The following CAPN11 variants were observed in gnomAD, a reference collection of about 807,000 sequenced individuals.
CAPN11 encodes calpain 11, also known as calpain-11.
In CAPN11, 108 loss-of-function variants were observed where a neutral mutation model predicts 105.3. The ratio of observed to expected loss-of-function variants is 1.03; its 90% CI spans 0.88 to 1.20. CAPN11 has a LOEUF of 1.20. Among genes scored for constraint, CAPN11 ranks in the 50% most tolerant of loss-of-function variants. The probability of loss-of-function intolerance (pLI) is 0.00; values close to 1 mark genes in which losing one functional copy is unlikely to be tolerated. For synonymous variants in CAPN11, 329 were observed against 344.5 expected, an observed-to-expected ratio of 0.96 and a Z score of 0.50; for missense variants, 883 against 924.8, an observed-to-expected ratio of 0.95 and a Z score of 0.59.
At chr6:44,178,822 C>G (rs1048231515) in intron 12 of CAPN11, among the ~76,000 whole-genome samples, 4 of 151,172 alleles carry the variant, frequency 2.6e-5, no homozygotes, top group African/African-American at 9.8e-5. Flanking sequence ...ACTCGAGAAG[C>G]TGAGGTGAGA....
chr6:44,173,854 G>T (rs550166427), intron 7 of CAPN11, among the ~76,000 whole-genome samples: 9 of 152,246 alleles, frequency 5.9e-5, no homozygotes, highest in African/African-American at 1.9e-4. Context: ...ATAGTGCTGG[G>T]ATTACAGGCA....
At chr6:44,178,750 T>TAAAAAAAA (rs35225903) in intron 12 of CAPN11, among the ~76,000 whole-genome samples, 2 of 116,066 alleles carry the variant, frequency 1.7e-5, no homozygotes, top group African/African-American at 3.2e-5. Flanking sequence ...CTGTCTCGAT[T>TAAAAAAAA]AAAAAAAAAA....
At chr6:44,167,497 C>CAAAAAAAA (rs61107654) in intron 2 of CAPN11, among the ~76,000 whole-genome samples, 6 of 27,064 alleles carry the variant, frequency 2.2e-4, no homozygotes, top group Non-Finnish European at 3.0e-4. Flanking sequence ...GACTCCATCT[C>CAAAAAAAA]AAAAAAAAAA....
intron 7 of CAPN11, 25 bp downstream of exon 7, chr6:44,173,411 A>C: frequency 1.3e-6 from 2 of 1,508,404 alleles, no homozygotes; most frequent in Non-Finnish European, 9.1e-7. Flanking sequence ...GTCCCACCTC[A>C]GGGCCTTTGC....
chr6:44,172,420 G>T lies in CAPN11; in HGVS notation c.528G>T (p.Gln176His), dbSNP rs1223561190. 1.3e-6 allele frequency: 2 copies of T among 1,540,470 alleles called. No individual in the cohort carries two copies. The highest frequency in any genetic ancestry group is 8.8e-7 in the Non-Finnish European group (1 of 1,136,658). ...ACTATGCTGGCATCTTCCATTTTCA[G>T]GTGAAGGACAGTGTGAGAGCCACTG... Reference protein sequence around the residue: ...KKNYAGIFHFQIWQFGQWVNV... With the variant: ...KKNYAGIFHFHIWQFGQWVNV... The change falls in exon 5 of 23, where the codon CAG (glutamine) becomes CAT (histidine). Residue 176 changes from glutamine (Q) to histidine (H), a missense_variant and splice_region_variant. By Grantham distance (24) the Gln-to-His change is conservative. Coordinates refer to ENST00000398776, the MANE Select transcript of CAPN11 (RefSeq NM_007058.4).
intron 3 of CAPN11, 124 bp from the exon 4 acceptor site, chr6:44,169,782 T>C: frequency 1.2e-6 from 1 of 848,184 alleles, no homozygotes; most frequent in Non-Finnish European, 1.9e-6. Context: ...TCCTGTACCC[T>C]CTCCCTGCCC....
At position 44,179,730 on chromosome 6, in the gene CAPN11, TG is replaced by T. The variant is rs1001022068; in HGVS notation, c.1428+105del. ...AAGGGTGGAATTTGGCGAGAGGCTC[TG>T]GGGGTCACTGGGTTAGGATTCCAGC... On this transcript the variant is annotated intron_variant, in intron 13 of 22. Transcript: ENST00000398776. 18 of 1,242,404 alleles carry T rather than the reference TG, an allele frequency of 1.4e-5. No individual in the cohort carries two copies. The African/African-American group carries it at 2.6e-4, about 18-fold the overall frequency. The allele number at this position is 1,242,404 out of a possible 1,614,324, so 77.0% of individuals were successfully genotyped here. A position where few individuals can be genotyped will look rare whatever the true frequency, so the allele number is the denominator to read the frequency against.
Position 44,174,779 on chromosome 6 carries a change from A to C in CAPN11, c.832-1289A>C, listed in dbSNP as rs193062238. On this transcript the variant is annotated intron_variant, in intron 7 of 22. Coordinates refer to ENST00000398776, the MANE Select transcript of CAPN11 (RefSeq NM_007058.4). ...GGATTGCAGGCACCTGCTGCCATGC[A>C]TGGCTAAGTTTTGTATTTTTAGTAG... Among the ~76,000 whole-genome samples the C allele has an allele frequency of 6.6e-3, 1,009 of 151,872 alleles. 9 individuals are homozygous for C. Among genetic ancestry groups the C allele is most frequent in the South Asian group, 0.024 (116 of 4,796 alleles).
At chr6:44,181,736 CCACACTCA>C (rs1430017641) in intron 19 of CAPN11, among the ~76,000 whole-genome samples, 1 of 35,098 alleles carries the variant, frequency 2.8e-5, no homozygotes, top group African/African-American at 2.0e-4. Flanking sequence ...CACAACCACA[CCACACTCA>C]CACACACACA....
chr6:44,182,273 G>T (rs1007508610), intron 19 of CAPN11, among the ~76,000 whole-genome samples: 1 of 42,152 alleles, frequency 2.4e-5, no homozygotes, highest in African/African-American at 1.1e-4. Flanking sequence ...CACACATACA[G>T]ACACAACCAC....
Position 44,175,948 on chromosome 6 carries a change from A to G in CAPN11, c.832-120A>G, listed in dbSNP as rs893430021. 4.8e-6 allele frequency: 3 copies of G among 628,692 alleles called. No individual in the cohort carries two copies. In the African/African-American group the frequency reaches 5.5e-5, roughly 12 times the overall value. The allele number at this position is 628,692 out of a possible 1,614,324, so 38.9% of individuals were successfully genotyped here. A position where few individuals can be genotyped will look rare whatever the true frequency, so the allele number is the denominator to read the frequency against. ...CAATTATTTCAAAATAATGATAATA[A>G]TTTAAAAGTTTAGTTTAAAAAAATT... is the stretch of plus-strand genomic sequence containing the variant. On this transcript the variant is annotated intron_variant, in intron 7 of 22. Coordinates refer to ENST00000398776, the MANE Select transcript of CAPN11 (RefSeq NM_007058.4).
chr6:44,162,667 C>T (rs1043218185), intron 1 of CAPN11, among the ~76,000 whole-genome samples: 5 of 152,090 alleles, frequency 3.3e-5, no homozygotes, highest in African/African-American at 1.2e-4. Flanking sequence ...TAGTCATTCC[C>T]CCACAGAACC....
rs1176687706 is a variant in CAPN11 at position 44,169,391 on chromosome 6, G to C, written c.199G>C (p.Glu67Gln). Residue 67 changes from glutamate to glutamine, a missense_variant, in exon 3 of 23, where the codon GAG (glutamate) becomes CAG (glutamine). Coordinates refer to ENST00000398776, the MANE Select transcript of CAPN11 (RefSeq NM_007058.4). ...NAQNFGNQSF[E>Q]ELRAACLRKG... ...CCAGAACTTTGGTAACCAGAGCTTT[G>C]AGGAGCTGCGAGCAGCCTGTCTAAG... The C allele has an allele frequency of 1.2e-6, 2 of 1,613,994 alleles. No homozygotes were observed.
intron 18 of CAPN11, 124 bp downstream of exon 18, chr6:44,181,121 A>T: frequency 8.3e-7 from 1 of 1,206,292 alleles, no homozygotes; most frequent in Non-Finnish European, 1.2e-6. Flanking sequence ...GTAGCAGAAG[A>T]TGCCAGTTCT....
intron 14 of CAPN11, 77 bp downstream of exon 14, chr6:44,180,240 G>A (rs1772899084): frequency 1.2e-5 from 14 of 1,121,322 alleles, no homozygotes; most frequent in Middle Eastern, 2.9e-4. Context: ...AGCTGCTGTC[G>A]GGTCCTCCCT....
In CAPN11 at chr6:44,180,654, G is replaced by T; in HGVS notation, c.1738G>T (p.Ala580Ser). Residue 580 changes from alanine to serine, a missense_variant, in exon 16 of 23, where the codon GCA (alanine) becomes TCA (serine). Ala to Ser is a moderately conservative substitution (Grantham distance 99). Transcript: ENST00000398776. ...CTTCCTACATTTGTTTAAGATAGTGGCAGGAGAGGTGAGCAGGCCACGAGC... is the reference window on the plus strand; with the variant it reads ...CTTCCTACATTTGTTTAAGATAGTGTCAGGAGAGGTGAGCAGGCCACGAGC... ...QDFLHLFKIV[A>S]GEGKEIGVYE... 2 of 1,613,782 alleles carry T rather than the reference G, an allele frequency of 1.2e-6. No individual in the cohort carries two copies. The highest frequency in any genetic ancestry group is 1.7e-6 in the Non-Finnish European group (2 of 1,179,830).
intron 1 of CAPN11, among the ~76,000 whole-genome samples, chr6:44,163,996 C>T (rs1318274951): frequency 1.3e-5 from 2 of 152,076 alleles, no homozygotes; most frequent in Admixed American, 6.6e-5. Flanking sequence ...TGCTACCATG[C>T]CCAGTTAATT....
chr6:44,168,963 C>A (rs1338706670), intron 2 of CAPN11: 3 of 466,964 alleles, frequency 6.4e-6, no homozygotes, highest in Non-Finnish European at 1.3e-5. Flanking sequence ...TGCTCTGTCA[C>A]CCAGACTGGA....
intron 9 of CAPN11, 72 bp from the exon 10 acceptor site, chr6:44,176,509 C>T: frequency 3.5e-6 from 5 of 1,432,972 alleles, no homozygotes; most frequent in Non-Finnish European, 4.9e-6. Flanking sequence ...AGGGAAGAGG[C>T]AGTCCCCTGG....
Sources: gnomAD v4.1 joint callset for allele counts (sites outside exome capture counted in the v4.1 genomes callset) on GRCh38, gnomAD v4.1.1 for gene constraint, MANE v1.5 for transcripts, NCBI Gene and HGNC (gene_info 2026-07-23, HGNC 2026-07-21) for gene names.